The following CACNA2D2 variants were observed in gnomAD, a reference collection of about 807,000 sequenced individuals.
CACNA2D2 encodes voltage-dependent calcium channel subunit alpha-2/delta-2.
A neutral mutation model predicts 166.4 loss-of-function variants in CACNA2D2; 48 were observed. The observed-to-expected ratio is 0.29, with a 90% confidence interval of 0.23 to 0.37. The LOEUF (loss-of-function observed/expected upper bound fraction) is 0.37. Among genes scored for constraint, CACNA2D2 ranks in the 10% least tolerant of loss-of-function variants. The probability of loss-of-function intolerance (pLI) is 1.00; values close to 1 mark genes in which losing one functional copy is unlikely to be tolerated. For missense variants in CACNA2D2, 1,122 were observed against 1,433.0 expected (o/e 0.78, Z 3.50); for synonymous variants, 561 against 573.7 (o/e 0.98, Z 0.32).
In CACNA2D2 at chr3:50,379,859, G is replaced by A; in HGVS notation, c.894-35C>T. The A allele has an allele frequency of 6.2e-7, 1 of 1,612,250 alleles. No individual in the cohort carries two copies. Among genetic ancestry groups the A allele is most frequent in the South Asian group, 1.1e-5 (1 of 91,036 alleles). ...TCAGGCAGGGGACGTGGAGGAGCCAGGGGAACCTCACGTGTTCTCCTGCCC... is the reference window on the plus strand; with the variant it reads ...TCAGGCAGGGGACGTGGAGGAGCCAAGGGAACCTCACGTGTTCTCCTGCCC... On this transcript the variant is annotated intron_variant, in intron 9 of 37. Transcript: ENST00000424201. This position sits in a 1 kb window ranked among gnomAD's most constrained non-coding sequence, Gnocchi z 6.5.
chr3:50,474,061 C>T (rs1710208323), intron 2 of CACNA2D2, among the ~76,000 whole-genome samples: 1 of 152,182 alleles, frequency 6.6e-6, no homozygotes, highest in Non-Finnish European at 1.5e-5. Flanking sequence ...TCTTGTCCAC[C>T]CTACCAAGAG....
intron 1 of CACNA2D2, among the ~76,000 whole-genome samples, chr3:50,477,016 G>A (rs113851681): frequency 0.033 from 4,855 of 149,034 alleles, 254 homozygotes; most frequent in African/African-American, 0.11. Context: ...TGCAAGCTCC[G>A]CCTCCAGGGT....
At chr3:50,501,645 G>A (rs1247385931) in intron 1 of CACNA2D2, among the ~76,000 whole-genome samples, 2 of 152,224 alleles carry the variant, frequency 1.3e-5, no homozygotes, top group Admixed American at 1.3e-4. Context: ...GAGGTCGGGA[G>A]AGGTGGAAAG....
At chr3:50,428,256 C>A (rs1279250748) in intron 3 of CACNA2D2, among the ~76,000 whole-genome samples, 1 of 152,200 alleles carries the variant, frequency 6.6e-6, no homozygotes, top group Non-Finnish European at 1.5e-5. Context: ...GGCAGCCCCA[C>A]CGCAAAGCAG....
In CACNA2D2 at chr3:50,364,701, G is replaced by A. The variant is rs890532196; in HGVS notation, c.3397C>T (p.Pro1133Ser). 6 of 1,544,488 alleles carry A rather than the reference G, an allele frequency of 3.9e-6. No homozygotes were observed. The African/African-American group carries it at 5.5e-5, about 14-fold the overall frequency. ...LLLGLPPRPQPQVLVHASRRL is the reference protein window; with the variant it reads ...LLLGLPPRPQSQVLVHASRRL ...CGAGAGGCGTGGACGAGGACTTGAG[G>A]CTGCGGCCGGGGCGGCAGGCCCAGG... Residue 1133 changes from proline to serine, a missense_variant, in exon 38 of 38, where the codon CCT becomes TCT. This residue lies in a region of CACNA2D2 where 282 missense variants were observed against 266.2 expected (regional missense o/e 1.06). Transcript: ENST00000424201.
Position 50,380,537 on chromosome 3 carries a change from G to T in CACNA2D2, c.842+211C>A, listed in dbSNP as rs1705245154. On this transcript the variant is annotated intron_variant, in intron 8 of 37. Transcript: ENST00000424201. This position sits in a 1 kb window ranked among gnomAD's most constrained non-coding sequence, Gnocchi z 4.9. ...CAATCTCTCAGTCCTGAGTGGGTGG[G>T]GGTGCTGGGCAGTGGACGGGGGGCA... is the stretch of plus-strand genomic sequence containing the variant. Among the ~76,000 whole-genome samples, 1 of 152,192 alleles carries T rather than the reference G, an allele frequency of 6.6e-6. No homozygotes were observed. The highest frequency in any genetic ancestry group is 2.4e-5 in the African/African-American group (1 of 41,436).
intron 1 of CACNA2D2, among the ~76,000 whole-genome samples, chr3:50,477,774 G>C (rs531159400): frequency 6.6e-6 from 1 of 152,158 alleles, no homozygotes; most frequent in Non-Finnish European, 1.5e-5. Context: ...GAGGTACCCC[G>C]GGAGCCATGG....
intron 2 of CACNA2D2, among the ~76,000 whole-genome samples, chr3:50,436,644 G>T (rs1708363760): frequency 6.6e-6 from 1 of 152,246 alleles, no homozygotes; most frequent in Non-Finnish European, 1.5e-5. Context: ...ACAGGCTGGG[G>T]ACAGCAAACC....
intron 1 of CACNA2D2, among the ~76,000 whole-genome samples, chr3:50,477,757 G>A (rs1374952315): frequency 1.3e-5 from 2 of 152,200 alleles, no homozygotes; most frequent in Non-Finnish European, 2.9e-5. Context: ...CAGCCCCCCA[G>A]CCTCTGGAGG....
In CACNA2D2 at chr3:50,377,476, G is replaced by C. The variant is rs772491153; in HGVS notation, c.1617C>G (p.Pro539=). Reference sequence around the variant, plus strand: ...GCAGGGGGATGCTCACCGTGTAGTTGGGGGTCAGCCTCTTGATGTCATTCA... The same window carrying C: ...GCAGGGGGATGCTCACCGTGTAGTTCGGGGTCAGCCTCTTGATGTCATTCA... ...VALNDIKRLT[P]NYTLGANGYV... is the part of the protein sequence containing the mutation. Residue 539 remains proline, a synonymous_variant, in exon 17 of 38, where the codon CCC becomes CCG. Coordinates refer to ENST00000424201, the MANE Select transcript of CACNA2D2 (RefSeq NM_006030.4). The C allele has an allele frequency of 1.5e-5, 24 of 1,612,526 alleles. No homozygotes were observed. Among genetic ancestry groups the C allele is most frequent in the Non-Finnish European group, 1.5e-5 (18 of 1,179,462 alleles).
At chr3:50,425,322 A>AAG (rs1244048055) in intron 3 of CACNA2D2, among the ~76,000 whole-genome samples, 1 of 152,144 alleles carries the variant, frequency 6.6e-6, no homozygotes, top group African/African-American at 2.4e-5. Flanking sequence ...GAACTCTACT[A>AAG]AGATGCCTTC....
intron 2 of CACNA2D2, among the ~76,000 whole-genome samples, chr3:50,450,574 G>A (rs746909832): frequency 4.6e-5 from 7 of 152,314 alleles, no homozygotes; most frequent in Middle Eastern, 3.4e-3. Context: ...AGAGAAAGGC[G>A]GAGGTGACAT....
At chr3:50,497,909 G>A (rs1698789244) in intron 1 of CACNA2D2, among the ~76,000 whole-genome samples, 1 of 152,194 alleles carries the variant, frequency 6.6e-6, no homozygotes, top group African/African-American at 2.4e-5. Flanking sequence ...TGTTTAGACA[G>A]TAGGCACCAG....
intron 1 of CACNA2D2, among the ~76,000 whole-genome samples, chr3:50,478,043 C>T (rs568488332): frequency 6.6e-6 from 1 of 151,920 alleles, no homozygotes; most frequent in Non-Finnish European, 1.5e-5. Context: ...AATGTCAGGA[C>T]CATGATGGAA....
chr3:50,456,431 T>C (rs535790354), intron 2 of CACNA2D2, among the ~76,000 whole-genome samples: 4 of 152,178 alleles, frequency 2.6e-5, no homozygotes, highest in Non-Finnish European at 4.4e-5. Flanking sequence ...CAGACCAACA[T>C]TGTGACTTCA....
chr3:50,413,062 G>GA, intron 3 of CACNA2D2, among the ~76,000 whole-genome samples: 1 of 152,260 alleles, frequency 6.6e-6, no homozygotes, highest in East Asian at 1.9e-4. Flanking sequence ...TGCATGAGGA[G>GA]TCTAGAGCTA....
At chr3:50,436,929 CCA>C (rs373250084) in intron 2 of CACNA2D2, among the ~76,000 whole-genome samples, 3 of 152,356 alleles carry the variant, frequency 2.0e-5, no homozygotes, top group South Asian at 4.1e-4. Context: ...AGCCTCAGCC[CCA>C]GAGGTGATAA....
intron 2 of CACNA2D2, among the ~76,000 whole-genome samples, chr3:50,442,687 C>CCA (rs1315308584): frequency 7.9e-5 from 12 of 152,322 alleles, no homozygotes; most frequent in African/African-American, 2.9e-4. Flanking sequence ...GCAACCTCAC[C>CCA]CACCTGCAAT....
chr3:50,462,048 T>C (rs1334838724), intron 2 of CACNA2D2, among the ~76,000 whole-genome samples: 2 of 150,880 alleles, frequency 1.3e-5, no homozygotes, highest in Non-Finnish European at 3.0e-5. Context: ...TGGCGGGGAG[T>C]TGGGGGCAGA....
Sources: allele counts gnomAD v4.1 joint callset (sites outside exome capture counted in the v4.1 genomes callset), GRCh38; gene constraint gnomAD v4.1.1; regional missense constraint gnomAD v4.1.1; non-coding constraint Gnocchi (gnomAD v3.1); transcripts MANE v1.5; gene names NCBI Gene and HGNC (gene_info 2026-07-23, HGNC 2026-07-21).